Variants in XPO4 observed in about 807,000 individuals in gnomAD.
XPO4 encodes the protein exportin-4.
In XPO4, 39 loss-of-function variants were observed where a neutral mutation model predicts 143.0. The observed-to-expected ratio is 0.27, with a 90% CI of 0.21 to 0.36. The LOEUF (loss-of-function observed/expected upper bound fraction) is 0.36. XPO4 is among the 10% of genes least tolerant of loss of function. The pLI, the probability that XPO4 is intolerant of heterozygous loss-of-function variation, is 1.00. For missense variants in XPO4, 907 were observed against 1,348.0 expected (o/e 0.67, Z 5.12); for synonymous variants, 439 against 474.0 (o/e 0.93, Z 0.96).
chr13:20,857,018 C>G, intron 3 of XPO4: 1 of 389,898 alleles, frequency 2.6e-6, no homozygotes, highest in Non-Finnish European at 3.5e-6. Flanking sequence ...GATATTTATA[C>G]AGATGAATAA....
chr13:20,853,059 T>C, intron 4 of XPO4: 1 of 985,164 alleles, frequency 1.0e-6, no homozygotes, highest in Non-Finnish European at 1.2e-6. Context: ...TGGCCAGCCG[T>C]GGTGGCTCAC....
chr13:20,796,316 T>A lies in XPO4; in HGVS notation c.2617-60A>T, dbSNP rs937788198. 2.0e-5 allele frequency: 25 copies of A among 1,276,180 alleles called. No individual in the cohort carries two copies. In the African/African-American group the frequency reaches 3.4e-4, roughly 18 times the overall value. 79.1% of individuals were successfully genotyped at this position (1,276,180 alleles called of 1,614,324 possible). A position where few individuals can be genotyped will look rare whatever the true frequency, so the allele number is the denominator to read the frequency against. On this transcript the variant is annotated intron_variant, in intron 17 of 22. Coordinates refer to ENST00000255305, the MANE Select transcript of XPO4 (RefSeq NM_022459.5). ...TGGTACACTGACATTAAAAAAATTT[T>A]AAAATATAATCTATATAAATTAACT... is the stretch of plus-strand genomic sequence containing the variant.
At chr13:20,893,128 C>T (rs192468210) in intron 1 of XPO4, among the ~76,000 whole-genome samples, 119 of 152,176 alleles carry the variant, frequency 7.8e-4, no homozygotes, top group African/African-American at 2.5e-3. Flanking sequence ...AGAGAAAAAG[C>T]GACTGGAAAA....
At chr13:20,882,983 T>C (rs1566625208) in intron 1 of XPO4, among the ~76,000 whole-genome samples, 1 of 151,838 alleles carries the variant, frequency 6.6e-6, no homozygotes, top group African/African-American at 2.4e-5. Flanking sequence ...AGACACCACA[T>C]GACTCAGGCT....
chr13:20,804,605 G>A (rs946000897), intron 13 of XPO4, among the ~76,000 whole-genome samples: 4 of 152,178 alleles, frequency 2.6e-5, no homozygotes. Context: ...ATCCTCAGAT[G>A]CTGGCACGCA....
chr13:20,790,685 A>G, intron 18 of XPO4, 105 bp from the exon 19 acceptor site: 1 of 840,142 alleles, frequency 1.2e-6, no homozygotes. Flanking sequence ...GGCTAAATAA[A>G]TCAATGAGTG....
intron 1 of XPO4, among the ~76,000 whole-genome samples, chr13:20,870,644 C>A (rs776271986): frequency 2.0e-5 from 3 of 151,310 alleles, no homozygotes; most frequent in Non-Finnish European, 4.4e-5. Flanking sequence ...GCAAGAAAAT[C>A]GCTTGAACGC....
intron 1 of XPO4, among the ~76,000 whole-genome samples, chr13:20,873,636 C>G (rs889195283): frequency 6.6e-6 from 1 of 152,052 alleles, no homozygotes; most frequent in Non-Finnish European, 1.5e-5. Flanking sequence ...AATCCCACAG[C>G]ACCTTTCTTT....
At chr13:20,804,709 A>C (rs1300664456) in intron 13 of XPO4, among the ~76,000 whole-genome samples, 1 of 152,070 alleles carries the variant, frequency 6.6e-6, no homozygotes, top group African/African-American at 2.4e-5. Flanking sequence ...AATTCCTTAA[A>C]GCACTATATC....
intron 1 of XPO4, among the ~76,000 whole-genome samples, chr13:20,900,276 C>G (rs1344814212): frequency 6.6e-6 from 1 of 151,866 alleles, no homozygotes; most frequent in Admixed American, 6.6e-5. Context: ...CCCAGCTACT[C>G]GGGAGGCTGA....
At chr13:20,891,863 C>CAA (rs61114008) in intron 1 of XPO4, among the ~76,000 whole-genome samples, 46,531 of 128,686 alleles carry the variant, frequency 0.36, 9,563 homozygotes, top group Non-Finnish European at 0.49. Context: ...ACTCCATCTC[C>CAA]AAAAAAAAAA....
At chr13:20,863,260 C>T (rs1430556200) in intron 2 of XPO4, 1 of 281,296 alleles carries the variant, frequency 3.6e-6, no homozygotes. Flanking sequence ...TTGAACATTA[C>T]TACCTGTGAT....
Position 20,809,888 on chromosome 13 carries a change from T to C in XPO4, c.1253A>G (p.Lys418Arg), listed in dbSNP as rs978477510. Reference sequence around the variant, plus strand: ...GGTAAAAAAGCCTTTATGGAAATGTTTGTCATCTTGAACCAAAGTTAACCA... The same window carrying C: ...GGTAAAAAAGCCTTTATGGAAATGTCTGTCATCTTGAACCAAAGTTAACCA... ...ESWLTLVQDD[K>R]HFHKGFFTQH... Residue 418 changes from lysine (K) to arginine (R), a missense_variant, in exon 10 of 23, where the codon AAA becomes AGA. Transcript: ENST00000255305. 3.1e-6 allele frequency: 5 copies of C among 1,613,852 alleles called. No individual in the cohort carries two copies. The highest frequency in any genetic ancestry group is 1.6e-4 in the Middle Eastern group (1 of 6,082).
chr13:20,866,417 G>C (rs2060246102), intron 2 of XPO4: 8 of 971,396 alleles, frequency 8.2e-6, no homozygotes, highest in Non-Finnish European at 8.6e-6. Flanking sequence ...CCCTTTAGTA[G>C]AATATATTAC....
intron 1 of XPO4, among the ~76,000 whole-genome samples, chr13:20,885,217 T>TG (rs2060450118): frequency 6.6e-6 from 1 of 152,192 alleles, no homozygotes; most frequent in Non-Finnish European, 1.5e-5. Context: ...CCCAAAGTGC[T>TG]GAGATTGCAG....
chr13:20,822,015 C>T (rs754274839), intron 8 of XPO4, 117 bp downstream of exon 8: 15 of 1,386,826 alleles, frequency 1.1e-5, no homozygotes, highest in Non-Finnish European at 1.4e-5. Context: ...TCAAATTACC[C>T]ATATGACTTT....
chr13:20,849,246 T>A (rs1469807686), intron 4 of XPO4: 2 of 985,332 alleles, frequency 2.0e-6, no homozygotes, highest in Non-Finnish European at 2.4e-6. Flanking sequence ...TGCTCTTCTA[T>A]GCAAACATCA....
At chr13:20,805,909 TA>T (rs1595074478) in intron 13 of XPO4, among the ~76,000 whole-genome samples, 1 of 151,894 alleles carries the variant, frequency 6.6e-6, no homozygotes, top group African/African-American at 2.4e-5. Flanking sequence ...TTCTTTGGAT[TA>T]AAAACATGGT....
intron 9 of XPO4, among the ~76,000 whole-genome samples, chr13:20,810,813 T>C (rs984756514): frequency 1.3e-5 from 2 of 152,232 alleles, no homozygotes; most frequent in African/African-American, 4.8e-5. Context: ...TTCAAGATAG[T>C]CTCAGTGAAA....
Sources: allele counts gnomAD v4.1 joint callset (sites outside exome capture counted in the v4.1 genomes callset), GRCh38; gene constraint gnomAD v4.1.1; transcripts MANE v1.5; gene names NCBI Gene and HGNC (gene_info 2026-07-23, HGNC 2026-07-21).